RFC1: variants seen among roughly 807,000 people sequenced by gnomAD.
RFC1 encodes the protein A1 140 kDa subunit.
A neutral mutation model predicts 137.4 loss-of-function variants in RFC1; 37 were observed. The observed-to-expected ratio is 0.27, with a 90% CI of 0.21 to 0.35. RFC1 has a LOEUF of 0.35. Ranked by LOEUF, RFC1 falls within the 10% of genes least tolerant of loss-of-function variation. RFC1 has a pLI of 1.00. For missense variants in RFC1, 1,205 were observed against 1,358.5 expected, an observed-to-expected ratio of 0.89 and a Z score of 1.78; for synonymous variants, 429 against 455.7, an observed-to-expected ratio of 0.94 and a Z score of 0.75.
At chr4:39,336,666 C>T (rs1472141088) in intron 4 of RFC1, among the ~76,000 whole-genome samples, 8 of 152,270 alleles carry the variant, frequency 5.3e-5, no homozygotes, top group Non-Finnish European at 7.3e-5. Flanking sequence ...CATGCCGTAG[C>T]ATCCCCTAGT....
chr4:39,294,527 C>A (rs1228156700), intron 22 of RFC1, among the ~76,000 whole-genome samples: 1 of 151,842 alleles, frequency 6.6e-6, no homozygotes, highest in Non-Finnish European at 1.5e-5. Context: ...AAAAATTAGC[C>A]AGGTGTGGTG....
Position 39,317,020 on chromosome 4 carries a change from A to G in RFC1, c.1098T>C (p.Ser366=), listed in dbSNP as rs1739273044. The change falls in exon 10 of 25, where the codon TCT becomes TCC. Residue 366 remains serine, a splice_region_variant and synonymous_variant. Coordinates refer to ENST00000349703, the MANE Select transcript of RFC1 (RefSeq NM_002913.5). ...TCTTTTCAGAATCTTCAGGACTTAC[A>G]GACTTTGGGAACAGGGAAAGGAAAA... ...KTKSSPAKKE[S]VSPEDSEKKR... is the part of the protein sequence containing the mutation. 4 of 1,605,174 alleles carry G rather than the reference A, an allele frequency of 2.5e-6. No homozygotes were observed. Among genetic ancestry groups the G allele is most frequent in the Non-Finnish European group, 3.4e-6 (4 of 1,172,350 alleles).
chr4:39,351,327 A>G, intron 2 of RFC1, 21 bp downstream of exon 2: 1 of 1,479,502 alleles, frequency 6.8e-7, no homozygotes, highest in Non-Finnish European at 9.0e-7. Context: ...TTCAATGCAA[A>G]ATTATACCCA....
intron 2 of RFC1, among the ~76,000 whole-genome samples, chr4:39,346,154 C>T (rs940906408): frequency 1.3e-5 from 2 of 152,182 alleles, no homozygotes; most frequent in African/African-American, 4.8e-5. Flanking sequence ...AAGCTAGTGG[C>T]CTACCACTAG....
intron 22 of RFC1, among the ~76,000 whole-genome samples, chr4:39,294,926 C>A (rs6815855): frequency 0.51 from 78,097 of 152,000 alleles, 21,818 homozygotes; most frequent in African/African-American, 0.75. Context: ...ATCACTTAAA[C>A]CCGGAGGTGG....
rs1739020403 is a variant in RFC1, at chr4:39,312,749, C to T, written c.1383+3G>A. On this transcript the variant is annotated splice_donor_region_variant and intron_variant, in intron 11 of 24. Coordinates refer to ENST00000349703, the MANE Select transcript of RFC1 (RefSeq NM_002913.5). ...ATGGTGTTGAGAACAAAGCAGTACC[C>T]ACCTTATCACTCTTGGACTGTCCAC... The T allele has an allele frequency of 6.2e-7, 1 of 1,613,250 alleles. No individual in the cohort carries two copies. Among genetic ancestry groups the T allele is most frequent in the Non-Finnish European group, 8.5e-7 (1 of 1,179,574 alleles).
intron 1 of RFC1, 70 bp from the exon 2 acceptor site, chr4:39,351,546 T>C: frequency 7.4e-7 from 1 of 1,358,560 alleles, no homozygotes; most frequent in South Asian, 1.4e-5. Flanking sequence ...AATTGTAAGA[T>C]GGGACAGCTT....
chr4:39,299,838 C>G (rs1012207653), intron 21 of RFC1, among the ~76,000 whole-genome samples, 183 bp downstream of exon 21: 2 of 152,050 alleles, frequency 1.3e-5, no homozygotes, highest in Admixed American at 1.3e-4. Flanking sequence ...TCTCTTGAAC[C>G]CGGGAGGCAG....
chr4:39,351,531 A>C lies in RFC1; in HGVS notation c.4-55T>G, dbSNP rs80010214. On this transcript the variant is annotated intron_variant, in intron 1 of 24. Transcript: ENST00000349703. ...TAAACATTAACCGCATAAAATTATA[A>C]CTTCAATTGTAAGATGGGACAGCTT... The C allele has an allele frequency of 1.2e-3, 1,654 of 1,433,812 alleles. 24 individuals are homozygous for C. In the African/African-American group the frequency reaches 0.022, roughly 19 times the overall value. 88.8% of individuals were successfully genotyped at this position (1,433,812 alleles called of 1,614,324 possible).
intron 2 of RFC1, among the ~76,000 whole-genome samples, chr4:39,350,870 A>C (rs1741148119): frequency 6.6e-6 from 1 of 152,180 alleles, no homozygotes; most frequent in African/African-American, 2.4e-5. Flanking sequence ...TTTTTTAAAA[A>C]ATACACATCT....
intron 21 of RFC1, among the ~76,000 whole-genome samples, chr4:39,296,499 G>A (rs1403613132): frequency 3.8e-5 from 5 of 131,662 alleles, no homozygotes; most frequent in Admixed American, 1.6e-4. Context: ...GAGAATATGT[G>A]GTGTTTGGTT....
intron 9 of RFC1, 29 bp downstream of exon 9, chr4:39,320,349 CAAAAA>C (rs56374926): frequency 5.3e-3 from 5,934 of 1,111,364 alleles, no homozygotes; most frequent in Middle Eastern, 9.8e-3. Flanking sequence ...AACTCCATCT[CAAAAA>C]AAAAAAAAAA....
intron 1 of RFC1, among the ~76,000 whole-genome samples, chr4:39,352,010 T>C (rs1056808918): frequency 1.0e-4 from 15 of 144,784 alleles, no homozygotes; most frequent in Non-Finnish European, 2.3e-4. Flanking sequence ...TAAAGAGTAA[T>C]ATAAATTCTC....
chr4:39,354,160 G>A (rs775449555), intron 1 of RFC1, among the ~76,000 whole-genome samples: 5 of 152,080 alleles, frequency 3.3e-5, no homozygotes, highest in African/African-American at 1.2e-4. Context: ...TTGCAGCATC[G>A]TAACCTAACT....
At chr4:39,295,894 C>G in intron 21 of RFC1, 135 bp from the exon 22 acceptor site, 1 of 680,468 alleles carries the variant, frequency 1.5e-6, no homozygotes, top group Non-Finnish European at 2.4e-6. Context: ...GCAGTCAGAC[C>G]CTTTCTATAA....
chr4:39,301,850 C>T, intron 19 of RFC1, among the ~76,000 whole-genome samples: 1 of 152,126 alleles, frequency 6.6e-6, no homozygotes, highest in Non-Finnish European at 1.5e-5. Flanking sequence ...TTAATCATTG[C>T]TCTAACTATA....
chr4:39,364,848 C>T (rs898940863), intron 1 of RFC1, among the ~76,000 whole-genome samples: 1 of 152,016 alleles, frequency 6.6e-6, no homozygotes, highest in Non-Finnish European at 1.5e-5. Context: ...CCCAAGACCA[C>T]GTAACTATTA....
chr4:39,298,256 C>T (rs1738137245), intron 21 of RFC1, among the ~76,000 whole-genome samples: 1 of 136,772 alleles, frequency 7.3e-6, no homozygotes, highest in East Asian at 2.4e-4. Flanking sequence ...TGCAGTGAGC[C>T]ATGATCACAC....
At chr4:39,357,688 C>T (rs1741547973) in intron 1 of RFC1, among the ~76,000 whole-genome samples, 1 of 151,672 alleles carries the variant, frequency 6.6e-6, no homozygotes, top group Admixed American at 6.6e-5. Flanking sequence ...GCGATTTCAG[C>T]TCACTGCAAC....
Sources: allele counts gnomAD v4.1 joint callset (sites outside exome capture counted in the v4.1 genomes callset), GRCh38; gene constraint gnomAD v4.1.1; transcripts MANE v1.5; gene names NCBI Gene and HGNC (gene_info 2026-07-23, HGNC 2026-07-21).